HECTD4: variants seen among roughly 807,000 people sequenced by gnomAD.
The protein encoded by HECTD4 is probable E3 ubiquitin-protein ligase HECTD4.
Under a neutral mutation model 471.5 loss-of-function variants are expected in HECTD4, and 114 were observed. That is an observed-to-expected ratio of 0.24 (90% CI 0.21 to 0.28). The LOEUF is 0.28. Ranked by LOEUF, HECTD4 falls within the 10% of genes least tolerant of loss-of-function variation. The probability of loss-of-function intolerance (pLI) is 1.00; values close to 1 mark genes in which losing one functional copy is unlikely to be tolerated. For synonymous variants in HECTD4, 2,012 were observed against 2,256.0 expected (o/e 0.89, Z 3.07); for missense variants, 3,866 against 5,651.5 (o/e 0.68, Z 10.13).
At position 112,369,810 on chromosome 12, in the gene HECTD4, C is replaced by T. The variant is rs1594081753; in HGVS notation, c.177+12142G>A. Reference sequence around the variant, plus strand: ...ACCAATGACCCAGCAATTCCACTTACCCTAGCGAAATAATCTCAGGTGTGC... The same window carrying T: ...ACCAATGACCCAGCAATTCCACTTATCCTAGCGAAATAATCTCAGGTGTGC... On this transcript the variant is annotated intron_variant, in intron 1 of 75. Transcript: ENST00000682272. Among the ~76,000 whole-genome samples, 5 of 152,262 alleles carry T rather than the reference C, an allele frequency of 3.3e-5. No homozygotes were observed. The South Asian group carries it at 1.0e-3, about 32-fold the overall frequency.
intron 7 of HECTD4, among the ~76,000 whole-genome samples, chr12:112,293,419 G>A (rs1013649117): frequency 1.3e-5 from 2 of 151,258 alleles, no homozygotes; most frequent in African/African-American, 4.9e-5. Context: ...GCTTGCGCCT[G>A]TAATCTCAGC....
intron 7 of HECTD4, among the ~76,000 whole-genome samples, chr12:112,286,068 T>C (rs1188111591): frequency 6.6e-6 from 1 of 152,216 alleles, no homozygotes; most frequent in Non-Finnish European, 1.5e-5. Context: ...TTGAGTACTT[T>C]GAAAATACTG....
intron 1 of HECTD4, among the ~76,000 whole-genome samples, chr12:112,347,013 C>G (rs916086935): frequency 1.3e-5 from 2 of 152,144 alleles, no homozygotes; most frequent in Non-Finnish European, 2.9e-5. Flanking sequence ...CTCTGCACAT[C>G]AAACAAAATC....
chr12:112,207,845 C>T (rs910910186), intron 52 of HECTD4, 29 bp downstream of exon 52: 4 of 1,609,654 alleles, frequency 2.5e-6, no homozygotes, highest in Non-Finnish European at 3.4e-6. Flanking sequence ...CATGAAGTAA[C>T]CTCCTTAGCA....
At position 112,219,487 on chromosome 12, in the gene HECTD4, C is replaced by G; in HGVS notation, c.6973G>C (p.Glu2325Gln). The G allele has an allele frequency of 6.2e-7, 1 of 1,612,298 alleles. No homozygotes were observed. The highest frequency in any genetic ancestry group is 2.2e-5 in the East Asian group (1 of 44,872). Reference protein sequence around the residue: ...NLVAQECSAGERLAVVEVQCE... With the variant: ...NLVAQECSAGQRLAVVEVQCE... ...TGTACCTCCACAACTGCAAGTCGCT[C>G]TCCTGTAGAGGGCACATGTTGAATC... Residue 2325 changes from glutamate (E) to glutamine (Q), a missense_variant and splice_region_variant, in exon 45 of 76, where the codon GAG (glutamate) becomes CAG (glutamine). By Grantham distance (29) the Glu-to-Gln change is conservative. Around this residue, in one of 16 missense-constraint regions of HECTD4, gnomAD observed 617 missense variants for 915.1 expected, o/e 0.67. Coordinates refer to ENST00000682272, the MANE Select transcript of HECTD4 (RefSeq NM_001388303.1).
intron 43 of HECTD4, among the ~76,000 whole-genome samples, chr12:112,227,447 A>G (rs1226646964): frequency 6.6e-6 from 1 of 152,028 alleles, no homozygotes; most frequent in Non-Finnish European, 1.5e-5. Context: ...GTGACACAGC[A>G]AGACTCTGTG....
At chr12:112,181,844 C>A (rs1446312543) in intron 62 of HECTD4, among the ~76,000 whole-genome samples, 1 of 152,190 alleles carries the variant, frequency 6.6e-6, no homozygotes, top group Non-Finnish European at 1.5e-5. Flanking sequence ...GTAATCCCAG[C>A]ACTTTGGGAG....
intron 1 of HECTD4, among the ~76,000 whole-genome samples, chr12:112,326,187 A>G (rs771033922): frequency 2.0e-5 from 3 of 152,184 alleles, no homozygotes; most frequent in Non-Finnish European, 4.4e-5. Flanking sequence ...TTTGAACAAG[A>G]CTACAATATC....
chr12:112,164,682 G>A (rs2030857534), intron 72 of HECTD4, among the ~76,000 whole-genome samples: 3 of 151,502 alleles, frequency 2.0e-5, no homozygotes, highest in African/African-American at 4.9e-5. Flanking sequence ...GTGCAATGGC[G>A]CAATCTTGGC....
chr12:112,330,206 G>A (rs1387769555), intron 1 of HECTD4, among the ~76,000 whole-genome samples: 1 of 151,880 alleles, frequency 6.6e-6, no homozygotes, highest in Non-Finnish European at 1.5e-5. Context: ...GAACCTGGGA[G>A]GCGGAGGTTG....
chr12:112,350,402 C>G (rs1274233998), intron 1 of HECTD4, among the ~76,000 whole-genome samples: 1 of 152,206 alleles, frequency 6.6e-6, no homozygotes, highest in Non-Finnish European at 1.5e-5. Context: ...TATAACTTCT[C>G]TTGCTTTGGC....
At chr12:112,167,958 G>T in intron 70 of HECTD4, 41 bp from the exon 71 acceptor site, 1 of 1,479,166 alleles carries the variant, frequency 6.8e-7, no homozygotes, top group South Asian at 1.1e-5. Context: ...GGGGTGTCCC[G>T]GCGGGAGGCG....
chr12:112,368,773 T>G (rs2036614087), intron 1 of HECTD4, among the ~76,000 whole-genome samples: 1 of 152,214 alleles, frequency 6.6e-6, no homozygotes, highest in Non-Finnish European at 1.5e-5. Flanking sequence ...AGATGTTTTC[T>G]CTATTTTCAA....
chr12:112,240,763 TTAA>T (rs908338246), intron 32 of HECTD4, among the ~76,000 whole-genome samples: 4 of 152,334 alleles, frequency 2.6e-5, no homozygotes, highest in Non-Finnish European at 4.4e-5. Context: ...GGCAGTTTTA[TTAA>T]TGAGACAACT....
chr12:112,239,279 C>T lies in HECTD4; in HGVS notation c.5106-43G>A, dbSNP rs758290391. ...ATTACACTAGATAAACGTAACTGAC[C>T]GACACTCAGGAAACTCTCATGTGAG... On this transcript the variant is annotated intron_variant, in intron 33 of 75. Transcript: ENST00000682272. This position sits in a 1 kb window ranked among gnomAD's most constrained non-coding sequence, Gnocchi z 4.9. 15 of 1,526,872 alleles carry T rather than the reference C, an allele frequency of 9.8e-6. No individual in the cohort carries two copies. Among genetic ancestry groups the T allele is most frequent in the South Asian group, 3.9e-5 (3 of 76,970 alleles). The allele number at this position is 1,526,872 out of a possible 1,614,324, so 94.6% of individuals were successfully genotyped here.
chr12:112,201,229 G>C, intron 54 of HECTD4: 1 of 357,500 alleles, frequency 2.8e-6, no homozygotes, highest in African/African-American at 2.2e-5. Flanking sequence ...AAGTAGCTGG[G>C]ACTAGGCACC....
At chr12:112,355,351 C>T (rs542161521) in intron 1 of HECTD4, among the ~76,000 whole-genome samples, 30 of 148,182 alleles carry the variant, frequency 2.0e-4, no homozygotes, top group African/African-American at 7.2e-4. Context: ...ATCCCAGCTA[C>T]TCGGGAGGCT....
chr12:112,234,133 T>C (rs1161655911), intron 37 of HECTD4, among the ~76,000 whole-genome samples: 2 of 152,196 alleles, frequency 1.3e-5, no homozygotes, highest in African/African-American at 4.8e-5. Flanking sequence ...TCTCAAACTA[T>C]TTTTAGGCTA....
intron 1 of HECTD4, among the ~76,000 whole-genome samples, chr12:112,326,059 G>A (rs1390902695): frequency 6.6e-6 from 1 of 152,136 alleles, no homozygotes; most frequent in Non-Finnish European, 1.5e-5. Flanking sequence ...AAAGTGATGG[G>A]ATTGCAGGCA....
Sources: gnomAD v4.1 joint callset for allele counts (sites outside exome capture counted in the v4.1 genomes callset) on GRCh38, gnomAD v4.1.1 for gene constraint, gnomAD v4.1.1 regional missense constraint, Gnocchi (gnomAD v3.1) non-coding constraint, MANE v1.5 for transcripts, NCBI Gene and HGNC (gene_info 2026-07-23, HGNC 2026-07-21) for gene names.